The following KCTD13 variants were observed in gnomAD, a reference collection of about 807,000 sequenced individuals.
KCTD13 encodes the protein potassium channel tetramerization domain containing 13, also known as BTB/POZ domain-containing adapter for CUL3-mediated RhoA degradation protein 1.
Under a neutral mutation model 32.3 loss-of-function variants are expected in KCTD13, and 15 were observed. That is an observed-to-expected ratio of 0.46 (90% CI 0.31 to 0.71). The LOEUF is 0.71. KCTD13 is among the 30% of genes least tolerant of loss of function. The pLI, the probability that KCTD13 is intolerant of heterozygous loss-of-function variation, is 0.05. For missense variants in KCTD13, 337 were observed against 452.6 expected (o/e 0.74, Z 2.32); for synonymous variants, 189 against 200.1 (o/e 0.94, Z 0.47).
At position 29,926,129 on chromosome 16, in the gene KCTD13, A is replaced by T. The variant is rs1258885266; in HGVS notation, c.-96T>A. The T allele has an allele frequency of 2.9e-5, 39 of 1,339,838 alleles. No individual in the cohort carries two copies. Among genetic ancestry groups the T allele is most frequent in the Non-Finnish European group, 3.8e-5 (39 of 1,030,386 alleles). The allele number at this position is 1,339,838 out of a possible 1,614,324, so 83.0% of individuals were successfully genotyped here. A position where few individuals can be genotyped will look rare whatever the true frequency, so the allele number is the denominator to read the frequency against. On this transcript the variant is annotated 5_prime_UTR_variant, in exon 1 of 6. Transcript: ENST00000568000. ...GGCCGGCCCCCAGCCCTTGGGCCAG[A>T]CCGCTCGGCGCACACGCCCACTCAC...
Position 29,926,029 on chromosome 16 carries a change from G to A in KCTD13, c.5C>T (p.Ser2Leu). 4 of 1,525,108 alleles carry A rather than the reference G, an allele frequency of 2.6e-6. No individual in the cohort carries two copies. The highest frequency in any genetic ancestry group is 2.4e-5 in the Admixed American group (1 of 41,456). 94.5% of individuals were successfully genotyped at this position (1,525,108 alleles called of 1,614,324 possible). The change falls in exon 1 of 6, where the codon TCG becomes TTG. Residue 2 changes from serine (S) to leucine (L), a missense_variant. Physicochemically the swap from Ser to Leu is moderately radical, Grantham distance 145. Transcript: ENST00000568000. MSAEASGPAAAA... is the reference protein window; with the variant it reads MLAEASGPAAAA... ...GGCAGCCGGGCCCGAGGCCTCCGCC[G>A]ACATGCCGGGTAGCAGCGGCGGACG...
In KCTD13 at chr16:29,916,645, C is replaced by G. The variant is rs74017650; in HGVS notation, c.415-4596G>C. Among the ~76,000 whole-genome samples, 1,298 of 152,188 alleles carry G rather than the reference C, an allele frequency of 8.5e-3. 15 individuals carry two copies. Among genetic ancestry groups the G allele is most frequent in the African/African-American group, 0.03 (1,245 of 41,542 alleles). ...TTGGGAGGCCAAGGCTGGAGGACTG[C>G]TTGAGGTCAGGAGTTCGAGACCAGC... On this transcript the variant is annotated intron_variant, in intron 2 of 5. Coordinates refer to ENST00000568000, the MANE Select transcript of KCTD13 (RefSeq NM_178863.5).
At chr16:29,921,365 T>C (rs758844869) in intron 2 of KCTD13, 2 of 151,652 alleles carry the variant, frequency 1.3e-5, no homozygotes, top group African/African-American at 2.4e-5. Flanking sequence ...CACTGAGGAG[T>C]GTGCTGAGCT....
At position 29,925,986 on chromosome 16, in the gene KCTD13, C is replaced by T. The variant is rs1162611368; in HGVS notation, c.48G>A (p.Leu16=). 6.2e-7 allele frequency: 1 copy of T among 1,605,836 alleles called. No homozygotes were observed. The highest frequency in any genetic ancestry group is 1.1e-5 in the South Asian group (1 of 90,696). The change falls in exon 1 of 6, where the codon CTG becomes CTA. Residue 16 remains leucine (L), a synonymous_variant. Coordinates refer to ENST00000568000, the MANE Select transcript of KCTD13 (RefSeq NM_178863.5). ...CGAGACCCGAGGGCTTGGGGGCTTCCAGGGACGGGGCCGCGGCGGCAGCCG... is the reference window on the plus strand; with the variant it reads ...CGAGACCCGAGGGCTTGGGGGCTTCTAGGGACGGGGCCGCGGCGGCAGCCG... ...SGPAAAAAPS[L]EAPKPSGLEP...
Position 29,912,054 on chromosome 16 carries a change from G to T in KCTD13, c.415-5C>A. 1 of 1,587,358 alleles carries T rather than the reference G, an allele frequency of 6.3e-7. No individual in the cohort carries two copies. ...GGACAGCGTCTCCCTTTTTTGCTGG[G>T]GAAGAAGCGGAAGGTGGTTAACAGC... is the stretch of plus-strand genomic sequence containing the variant. On this transcript the variant is annotated splice_polypyrimidine_tract_variant and splice_region_variant and intron_variant, in intron 2 of 5. Transcript: ENST00000568000.
intron 2 of KCTD13, among the ~76,000 whole-genome samples, chr16:29,919,323 T>C (rs1209491810): frequency 1.3e-5 from 2 of 152,218 alleles, no homozygotes; most frequent in Non-Finnish European, 2.9e-5. Context: ...AATAAAGTAA[T>C]GCTTATGGTA....
intron 1 of KCTD13, among the ~76,000 whole-genome samples, chr16:29,925,101 C>T (rs867174422): frequency 1.3e-5 from 2 of 152,130 alleles, no homozygotes; most frequent in African/African-American, 4.8e-5. Context: ...GTTAACCCCT[C>T]CCTTAAGACT....
intron 4 of KCTD13, chr16:29,911,495 T>C (rs955703578): frequency 3.5e-6 from 2 of 564,040 alleles, no homozygotes; most frequent in Non-Finnish European, 6.3e-6. Flanking sequence ...TGTCCCGACC[T>C]CCTCATCTGT....
In KCTD13 at chr16:29,926,087, T is replaced by G; in HGVS notation, c.-54A>C. The G allele has an allele frequency of 6.9e-7, 1 of 1,443,822 alleles. No homozygotes were observed. The highest frequency in any genetic ancestry group is 9.0e-7 in the Non-Finnish European group (1 of 1,106,478). The allele number at this position is 1,443,822 out of a possible 1,614,324, so 89.4% of individuals were successfully genotyped here. On this transcript the variant is annotated 5_prime_UTR_variant, in exon 1 of 6. Transcript: ENST00000568000. ...CAGGATCTCTCCGCGCCCTGCGGCC[T>G]GCTCCCGAAGACCCTCGGCCGGCCC...
At chr16:29,925,689 C>G in intron 1 of KCTD13, 101 bp downstream of exon 1, 1 of 1,152,554 alleles carries the variant, frequency 8.7e-7, no homozygotes, top group Non-Finnish European at 1.2e-6. Flanking sequence ...TGGACAGTAG[C>G]GGGCAGAGAG....
At chr16:29,912,682 A>G (rs2068737515) in intron 2 of KCTD13, among the ~76,000 whole-genome samples, 1 of 152,166 alleles carries the variant, frequency 6.6e-6, no homozygotes, top group African/African-American at 2.4e-5. Context: ...TCAGGTGATC[A>G]GCCCGCCTCA....
At chr16:29,923,974 A>G (rs2150846611) in intron 1 of KCTD13, among the ~76,000 whole-genome samples, 1 of 152,298 alleles carries the variant, frequency 6.6e-6, no homozygotes, top group South Asian at 2.1e-4. Flanking sequence ...CAAGAGTTCG[A>G]GACCAGCCTG....
At chr16:29,915,699 A>C (rs1172546404) in intron 2 of KCTD13, among the ~76,000 whole-genome samples, 1 of 152,148 alleles carries the variant, frequency 6.6e-6, no homozygotes, top group African/African-American at 2.4e-5. Flanking sequence ...CTGAAAGACA[A>C]CACCTTTAAC....
At position 29,906,574 on chromosome 16, in the gene KCTD13, A is replaced by G. The variant is rs575176230; in HGVS notation, c.*298T>C. 26 of 550,444 alleles carry G rather than the reference A, an allele frequency of 4.7e-5. No individual in the cohort carries two copies. The highest frequency in any genetic ancestry group is 8.0e-5 in the Non-Finnish European group (23 of 287,606). 34.1% of individuals were successfully genotyped at this position (550,444 alleles called of 1,614,324 possible). A position where few individuals can be genotyped will look rare whatever the true frequency, so the allele number is the denominator to read the frequency against. ...TTTGGCATGGACGATGCACTAAAAA[A>G]AGAGAAAGGGAATTCTAAATCCCTC... On this transcript the variant is annotated 3_prime_UTR_variant, in exon 6 of 6. Transcript: ENST00000568000.
chr16:29,917,504 G>A (rs1481771522), intron 2 of KCTD13, among the ~76,000 whole-genome samples: 3 of 151,902 alleles, frequency 2.0e-5, no homozygotes, highest in African/African-American at 4.8e-5. Context: ...AAAATTAGAC[G>A]GGTGTGGTGG....
chr16:29,914,188 C>T (rs2068767563), intron 2 of KCTD13: 1 of 152,130 alleles, frequency 6.6e-6, no homozygotes, highest in African/African-American at 2.4e-5. Flanking sequence ...AAGGAGATGA[C>T]ACACAGGAAC....
At chr16:29,911,354 G>A (rs995677984) in intron 4 of KCTD13, 181 bp from the exon 5 acceptor site, 63 of 609,736 alleles carry the variant, frequency 1.0e-4, no homozygotes, top group African/African-American at 9.1e-4. Flanking sequence ...AGCCACATGC[G>A]CTGAGCAAAT....
At chr16:29,910,786 G>A (rs1039144422) in intron 5 of KCTD13, among the ~76,000 whole-genome samples, 192 bp downstream of exon 5, 3 of 152,126 alleles carry the variant, frequency 2.0e-5, no homozygotes, top group Non-Finnish European at 4.4e-5. Flanking sequence ...GCTCTAACCC[G>A]TGACCCCCAT....
At chr16:29,907,156 G>A (rs201374973) in intron 5 of KCTD13, 48 bp from the exon 6 acceptor site, 38 of 1,361,944 alleles carry the variant, frequency 2.8e-5, no homozygotes, top group Non-Finnish European at 3.8e-5. Context: ...GTGCAGTCAC[G>A]CAGGGCCATC....
Sources: gnomAD v4.1 joint callset for allele counts (sites outside exome capture counted in the v4.1 genomes callset) on GRCh38, gnomAD v4.1.1 for gene constraint, MANE v1.5 for transcripts, NCBI Gene and HGNC (gene_info 2026-07-23, HGNC 2026-07-21) for gene names.